Variants in ZNF804B observed in about 807,000 individuals in gnomAD.
ZNF804B encodes zinc finger 804B.
In ZNF804B, 80 loss-of-function variants were observed where a neutral mutation model predicts 101.4. That is an observed-to-expected ratio of 0.79 (90% confidence interval 0.66 to 0.95). The LOEUF (loss-of-function observed/expected upper bound fraction) is 0.95. ZNF804B is among the 40% of genes least tolerant of loss of function. The pLI, the probability that ZNF804B is intolerant of heterozygous loss-of-function variation, is 0.00. For missense variants in ZNF804B, 1,673 were observed against 1,561.9 expected (o/e 1.07, Z -1.20); for synonymous variants, 622 against 558.8 (o/e 1.11, Z -1.59).
At chr7:88,939,521 T>C (rs994726886) in intron 1 of ZNF804B, among the ~76,000 whole-genome samples, 1 of 151,822 alleles carries the variant, frequency 6.6e-6, no homozygotes, top group Non-Finnish European at 1.5e-5. Flanking sequence ...AATTAAAAAG[T>C]AATAATAAAT....
intron 1 of ZNF804B, among the ~76,000 whole-genome samples, chr7:88,884,588 A>T (rs898091097): frequency 6.6e-6 from 1 of 151,890 alleles, no homozygotes; most frequent in Non-Finnish European, 1.5e-5. Context: ...TATATTTTAG[A>T]CAAGAAGCTT....
chr7:89,062,920 T>C (rs905438910), intron 1 of ZNF804B, among the ~76,000 whole-genome samples: 2 of 152,140 alleles, frequency 1.3e-5, no homozygotes, highest in Admixed American at 6.6e-5. Flanking sequence ...AGCTTAATAG[T>C]GGATTAAAGG....
At chr7:89,073,743 A>G (rs573619911) in intron 1 of ZNF804B, among the ~76,000 whole-genome samples, 1 of 152,290 alleles carries the variant, frequency 6.6e-6, no homozygotes, top group East Asian at 1.9e-4. Flanking sequence ...CTGTGAAATA[A>G]TCTGTGTACA....
rs1464689127 is a variant in ZNF804B, at chr7:88,854,530, CCTT to C, written c.108+94448_108+94450del. On this transcript the variant is annotated intron_variant, in intron 1 of 3. Transcript: ENST00000333190. The stretch of plus-strand genomic sequence containing the variant: ...TCCTTTCCTTTCCTTTCCTTCCTTT[CCTT>C]CCTTCCTTCCTTCCTTCCTTCCTTC... Among the ~76,000 whole-genome samples the C allele has an allele frequency of 6.0e-4, 33 of 54,600 alleles. 2 individuals carry two copies. The highest frequency in any genetic ancestry group is 2.7e-3 in the South Asian group (3 of 1,096). 35.8% of individuals were successfully genotyped at this position (54,600 alleles called of 152,430 possible).
chr7:89,098,813 G>A (rs1230402275), intron 1 of ZNF804B, among the ~76,000 whole-genome samples: 1 of 151,682 alleles, frequency 6.6e-6, no homozygotes, highest in East Asian at 1.9e-4. Context: ...ACTGTAAACT[G>A]CCAAAATAAA....
At chr7:89,049,571 C>T (rs2116262576) in intron 1 of ZNF804B, among the ~76,000 whole-genome samples, 1 of 152,176 alleles carries the variant, frequency 6.6e-6, no homozygotes, top group African/African-American at 2.4e-5. Flanking sequence ...TTTACTTCCA[C>T]AACTTTAGTA....
intron 1 of ZNF804B, among the ~76,000 whole-genome samples, chr7:89,114,924 A>T (rs1464543961): frequency 6.6e-6 from 1 of 152,160 alleles, no homozygotes; most frequent in Non-Finnish European, 1.5e-5. Flanking sequence ...AACAAAAACT[A>T]TTAAACATTT....
chr7:88,924,335 G>A (rs1342750102), intron 1 of ZNF804B, among the ~76,000 whole-genome samples: 1 of 151,880 alleles, frequency 6.6e-6, no homozygotes, highest in Non-Finnish European at 1.5e-5. Flanking sequence ...GATACCTTGA[G>A]CATGTGTTTT....
chr7:88,948,775 G>T (rs548391300), intron 1 of ZNF804B, among the ~76,000 whole-genome samples: 1 of 152,082 alleles, frequency 6.6e-6, no homozygotes, highest in East Asian at 2.0e-4. Context: ...TTACAAAAAG[G>T]AGAGGTGGTT....
intron 1 of ZNF804B, among the ~76,000 whole-genome samples, chr7:88,769,743 C>T (rs1015878630): frequency 2.9e-4 from 44 of 152,232 alleles, no homozygotes; most frequent in African/African-American, 9.6e-4. Flanking sequence ...GAGATAGCAA[C>T]ATCCTGGAAA....
In ZNF804B at chr7:88,759,924, ACG is replaced by A; in HGVS notation, c.-52_-51del. The A allele has an allele frequency of 6.5e-7, 1 of 1,529,822 alleles. No homozygotes were observed. Among genetic ancestry groups the A allele is most frequent in the Non-Finnish European group, 9.0e-7 (1 of 1,105,868 alleles). 94.8% of individuals were successfully genotyped at this position (1,529,822 alleles called of 1,614,324 possible). On this transcript the variant is annotated 5_prime_UTR_variant, in exon 1 of 4. Coordinates refer to ENST00000333190, the MANE Select transcript of ZNF804B (RefSeq NM_181646.5). ...CCGCTGAGAAACCCGCCCGCTTTCC[ACG>A]GCTGGTCGCCTGGTGAGGAGTTGAG...
At chr7:88,934,071 A>G (rs1792931599) in intron 1 of ZNF804B, among the ~76,000 whole-genome samples, 1 of 152,102 alleles carries the variant, frequency 6.6e-6, no homozygotes, top group South Asian at 2.1e-4. Flanking sequence ...AAAAATAGAC[A>G]TGTAGACCAA....
chr7:89,120,445 C>T lies in ZNF804B; in HGVS notation c.109-97710C>T, dbSNP rs140587570. Among the ~76,000 whole-genome samples, 350 of 152,120 alleles carry T rather than the reference C, an allele frequency of 2.3e-3. 1 individual carries two copies. Among genetic ancestry groups the T allele is most frequent in the African/African-American group, 8.2e-3 (342 of 41,526 alleles). ...GGCCGAGGCGGGCAGATCACGAGGTCAGGACATCGAGACCATCCTGGCTAA... is the reference window on the plus strand; with the variant it reads ...GGCCGAGGCGGGCAGATCACGAGGTTAGGACATCGAGACCATCCTGGCTAA... On this transcript the variant is annotated intron_variant, in intron 1 of 3. Coordinates refer to ENST00000333190, the MANE Select transcript of ZNF804B (RefSeq NM_181646.5).
rs1584040515 is a variant in ZNF804B, at chr7:88,961,098, T to C, written c.108+201014T>C. Among the ~76,000 whole-genome samples the C allele has an allele frequency of 1.3e-5, 2 of 151,468 alleles. 1 individual carries two copies. Among genetic ancestry groups the C allele is most frequent in the East Asian group, 3.9e-4 (2 of 5,116 alleles). On this transcript the variant is annotated intron_variant, in intron 1 of 3. Coordinates refer to ENST00000333190, the MANE Select transcript of ZNF804B (RefSeq NM_181646.5). ...TCAAAACCTCTGATTCTATCACATG[T>C]GCTCTTAGGCACAATAAAATAATGA... is the stretch of plus-strand genomic sequence containing the variant.
intron 1 of ZNF804B, among the ~76,000 whole-genome samples, chr7:88,816,897 G>T (rs1562801849): frequency 6.8e-6 from 1 of 148,044 alleles, no homozygotes; most frequent in Non-Finnish European, 1.5e-5. Flanking sequence ...ATACCCAAAG[G>T]ATTATAAATC....
In ZNF804B at chr7:88,869,132, T is replaced by C. The variant is rs146611258; in HGVS notation, c.108+109048T>C. On this transcript the variant is annotated intron_variant, in intron 1 of 3. Transcript: ENST00000333190. ...AGATATTTTTATAAATCACATGCTT[T>C]CATCTTACATGATATCTTAGTAATA... Among the ~76,000 whole-genome samples the C allele has an allele frequency of 4.7e-3, 717 of 152,364 alleles. 6 individuals are homozygous for C. The highest frequency in any genetic ancestry group is 0.012 in the South Asian group (57 of 4,832).
intron 2 of ZNF804B, among the ~76,000 whole-genome samples, chr7:89,257,671 T>A (rs1423551749): frequency 2.0e-5 from 3 of 152,148 alleles, no homozygotes; most frequent in African/African-American, 7.2e-5. Context: ...TAGAAGTAAA[T>A]TGCATGTTGT....
chr7:89,069,659 G>A (rs931025488), intron 1 of ZNF804B, among the ~76,000 whole-genome samples: 1 of 151,988 alleles, frequency 6.6e-6, no homozygotes, highest in Non-Finnish European at 1.5e-5. Context: ...ATTGCATTAT[G>A]TTTGGAACTG....
At chr7:89,010,605 T>G (rs1788441444) in intron 1 of ZNF804B, among the ~76,000 whole-genome samples, 1 of 152,188 alleles carries the variant, frequency 6.6e-6, no homozygotes, top group Non-Finnish European at 1.5e-5. Context: ...TTAATGGGTT[T>G]TTTTGCACTA....
Sources: allele counts gnomAD v4.1 joint callset (sites outside exome capture counted in the v4.1 genomes callset), GRCh38; gene constraint gnomAD v4.1.1; transcripts MANE v1.5; gene names NCBI Gene and HGNC (gene_info 2026-07-23, HGNC 2026-07-21).